The following IZUMO4 variants were observed in gnomAD, a reference collection of about 807,000 sequenced individuals.
IZUMO4 encodes IZUMO family member 4, also known as izumo sperm-egg fusion protein 4.
IZUMO4 carries 51 observed loss-of-function variants against 37.1 expected under a neutral mutation model. That is an observed-to-expected ratio of 1.38 (90% CI 1.10 to 1.74). The LOEUF (loss-of-function observed/expected upper bound fraction) is 1.74, where lower values mean the gene tolerates loss of function less well. Among genes scored for constraint, IZUMO4 ranks in the 40% most tolerant of loss-of-function variants. The pLI is 0.00. For missense variants in IZUMO4, 364 were observed against 299.6 expected (o/e 1.21, Z -1.59); for synonymous variants, 162 against 121.4 (o/e 1.33, Z -2.20).
rs540735778 is a variant in IZUMO4 at position 2,098,639 on chromosome 19, C to G, written c.537-148C>G. ...TTTTCTCCCTCAAAGGTCTCCGACCCTCAGCTGGAGGCGGGCATCTTTCCT... is the reference window on the plus strand; with the variant it reads ...TTTTCTCCCTCAAAGGTCTCCGACCGTCAGCTGGAGGCGGGCATCTTTCCT... On this transcript the variant is annotated intron_variant, in intron 7 of 9. Coordinates refer to ENST00000395301, the MANE Select transcript of IZUMO4 (RefSeq NM_001039846.2). 2,128 of 1,557,630 alleles carry G rather than the reference C, an allele frequency of 1.4e-3. 3 individuals carry two copies. The highest frequency in any genetic ancestry group is 2.3e-3 in the South Asian group (193 of 83,388).
At chr19:2,098,644 C>T (rs867120169) in intron 7 of IZUMO4, 143 bp from the exon 8 acceptor site, 3 of 1,555,042 alleles carry the variant, frequency 1.9e-6, no homozygotes, top group Middle Eastern at 1.7e-4. Flanking sequence ...CGACCCTCAG[C>T]TGGAGGCGGG....
In IZUMO4 at chr19:2,098,887, G is replaced by A. The variant is rs181911352; in HGVS notation, c.554+83G>A. On this transcript the variant is annotated intron_variant, in intron 8 of 9. Transcript: ENST00000395301. ...GCTAGGGGGTCCTCTAGATCAGTGG[G>A]GGCACTGCAGGTGGGGCTCTCCCTA... 2,348 of 1,572,674 alleles carry A rather than the reference G, an allele frequency of 1.5e-3. 6 individuals carry two copies. The highest frequency in any genetic ancestry group is 2.2e-3 in the Middle Eastern group (13 of 5,982).
Position 2,098,840 on chromosome 19 carries a change from G to GGTAAAGGGA in IZUMO4, c.554+38_554+46dup, listed in dbSNP as rs778247495. On this transcript the variant is annotated intron_variant, in intron 8 of 9. Transcript: ENST00000395301. ...CCTGACCTGGACTTCAGGGGGAGGG[G>GGTAAAGGGA]GTAAAGGGAGAGAGGAGGGGGGCTA... 7.6e-6 allele frequency: 12 copies of GGTAAAGGGA among 1,588,146 alleles called. No homozygotes were observed. The South Asian group carries it at 1.3e-4, about 18-fold the overall frequency.
Position 2,099,360 on chromosome 19 carries a change from GC to G in IZUMO4, c.*19del, listed in dbSNP as rs2017848997. On this transcript the variant is annotated 3_prime_UTR_variant, in exon 10 of 10. Coordinates refer to ENST00000395301, the MANE Select transcript of IZUMO4 (RefSeq NM_001039846.2). ...AGCAGCACTGACAGCAGCTGGGCCT[GC>G]CCCAGGGCAACGTGGGGGCGGAGAC... is the stretch of plus-strand genomic sequence containing the variant. The G allele has an allele frequency of 1.9e-6, 3 of 1,595,204 alleles. No individual in the cohort carries two copies. Among genetic ancestry groups the G allele is most frequent in the Middle Eastern group, 1.7e-4 (1 of 5,994 alleles).
Position 2,097,257 on chromosome 19 carries a change from G to C in IZUMO4, c.223G>C (p.Glu75Gln). Residue 75 changes from glutamate (E) to glutamine (Q), a missense_variant, in exon 2 of 10, where the codon GAG (glutamate) becomes CAG (glutamine). Coordinates refer to ENST00000395301, the MANE Select transcript of IZUMO4 (RefSeq NM_001039846.2). ...HLAIPAKITR[E>Q]KLDQVATAVY... ...GCTTCTCCTCCTGCCCGCAGCCCGG[G>C]AGAAGCTGGACCAAGTGGCGACAGC... 1 of 1,612,380 alleles carries C rather than the reference G, an allele frequency of 6.2e-7. No homozygotes were observed. Among genetic ancestry groups the C allele is most frequent in the Non-Finnish European group, 8.5e-7 (1 of 1,179,632 alleles).
In IZUMO4 at chr19:2,099,346, C is replaced by G. The variant is rs749119279; in HGVS notation, c.*1C>G. On this transcript the variant is annotated 3_prime_UTR_variant, in exon 10 of 10. Coordinates refer to ENST00000395301, the MANE Select transcript of IZUMO4 (RefSeq NM_001039846.2). The stretch of plus-strand genomic sequence containing the variant: ...TGCTGAGTGTCTCAAGCAGCACTGA[C>G]AGCAGCTGGGCCTGCCCCAGGGCAA... 1 of 1,610,138 alleles carries G rather than the reference C, an allele frequency of 6.2e-7. No homozygotes were observed. The highest frequency in any genetic ancestry group is 2.2e-5 in the East Asian group (1 of 44,762).
chr19:2,099,504 T>TG lies in IZUMO4; in HGVS notation c.*164dup. 1 of 460,292 alleles carries TG rather than the reference T, an allele frequency of 2.2e-6. No individual in the cohort carries two copies. The highest frequency in any genetic ancestry group is 2.9e-5 in the Admixed American group (1 of 33,946). The allele number at this position is 460,292 out of a possible 1,614,324, so 28.5% of individuals were successfully genotyped here. On this transcript the variant is annotated 3_prime_UTR_variant, in exon 10 of 10. Coordinates refer to ENST00000395301, the MANE Select transcript of IZUMO4 (RefSeq NM_001039846.2). Reference sequence around the variant, plus strand: ...GGCCAGGAGGGCGGGAGGGAGGGAATGGGGGTGGGCTGTGCGCAGCATCAG... The same window carrying TG: ...GGCCAGGAGGGCGGGAGGGAGGGAATGGGGGGTGGGCTGTGCGCAGCATCAG...
In IZUMO4 at chr19:2,098,808, A is replaced by AG; in HGVS notation, c.554+6dup. 3 of 1,592,618 alleles carry AG rather than the reference A, an allele frequency of 1.9e-6. No homozygotes were observed. The highest frequency in any genetic ancestry group is 1.7e-6 in the Non-Finnish European group (2 of 1,169,086). ...TCAGACAGGACACGAGCATGAGGTAAGGCCGCCCTGACCTGGACTTCAGGG... is the reference window on the plus strand; with the variant it reads ...TCAGACAGGACACGAGCATGAGGTAAGGGCCGCCCTGACCTGGACTTCAGGG... On this transcript the variant is annotated splice_donor_region_variant and intron_variant, in intron 8 of 9. Transcript: ENST00000395301.
At chr19:2,099,096 G>T in intron 9 of IZUMO4, 67 bp downstream of exon 9, 2 of 1,487,142 alleles carry the variant, frequency 1.3e-6, no homozygotes, top group South Asian at 1.1e-5. Flanking sequence ...AGCGTGCCGC[G>T]GCCTGCACAC....
rs373447631 is a variant in IZUMO4 at position 2,097,969 on chromosome 19, C to T, written c.397+14C>T. 2.1e-5 allele frequency: 34 copies of T among 1,613,118 alleles called. No individual in the cohort carries two copies. The highest frequency in any genetic ancestry group is 9.9e-5 in the South Asian group (9 of 91,086). ...AGCACCGCTGTGGTAAGCAAGGCTC[C>T]GTCCAGGCTGAGGGGCGTGCCGGTG... On this transcript the variant is annotated intron_variant, in intron 4 of 9. Transcript: ENST00000395301.
rs776511201 is a variant in IZUMO4 at position 2,097,890 on chromosome 19, C to T, written c.371-39C>T. On this transcript the variant is annotated intron_variant, in intron 3 of 9. Coordinates refer to ENST00000395301, the MANE Select transcript of IZUMO4 (RefSeq NM_001039846.2). ...GGAGGAGGCAGGACTGGGGACAAGG[C>T]TGGGCCTGGTAAGATGGCGCTGTCC... The T allele has an allele frequency of 3.7e-6, 6 of 1,611,752 alleles. No individual in the cohort carries two copies. The South Asian group carries it at 6.6e-5, about 18-fold the overall frequency.
Position 2,099,020 on chromosome 19 carries a change from C to G in IZUMO4, c.599C>G (p.Thr200Ser). 1 of 1,613,050 alleles carries G rather than the reference C, an allele frequency of 6.2e-7. No individual in the cohort carries two copies. Among genetic ancestry groups the G allele is most frequent in the Admixed American group, 1.7e-5 (1 of 60,026 alleles). Residue 200 changes from threonine to serine, a missense_variant, in exon 9 of 10, where the codon ACC becomes AGC. Thr to Ser is a moderately conservative substitution (Grantham distance 58). Coordinates refer to ENST00000395301, the MANE Select transcript of IZUMO4 (RefSeq NM_001039846.2). ...TCCTGGCCTGGGACACACAGAGCCA[C>G]CCCGGCCTTGTGAGTGACCCAGAGA... ...AFSWPGTHRA[T>S]PAFLVSPALR...
rs147027538 is a variant in IZUMO4 at position 2,097,450 on chromosome 19, A to C, written c.325A>C (p.Ile109Leu). 44 of 1,612,714 alleles carry C rather than the reference A, an allele frequency of 2.7e-5. No individual in the cohort carries two copies. Among genetic ancestry groups the C allele is most frequent in the Middle Eastern group, 3.3e-4 (2 of 6,082 alleles). ...GTATTTCCCCAACGAGCTGCGAAAC[A>C]TCTTCCGGGAGCAGGTGCACCTCAT... ...PGYFPNELRN[I>L]FREQVHLIQN... Residue 109 changes from isoleucine (I) to leucine (L), a missense_variant, in exon 3 of 10, where the codon ATC (isoleucine) becomes CTC (leucine). By Grantham distance (5) the Ile-to-Leu change is conservative (BLOSUM62 2). Coordinates refer to ENST00000395301, the MANE Select transcript of IZUMO4 (RefSeq NM_001039846.2).
intron 7 of IZUMO4, 31 bp downstream of exon 7, chr19:2,098,481 G>A (rs538292405): frequency 3.7e-6 from 6 of 1,613,320 alleles, no homozygotes; most frequent in Non-Finnish European, 5.1e-6. Context: ...AACACAGGCA[G>A]TGTGTGTATG....
intron 9 of IZUMO4, 40 bp from the exon 10 acceptor site, chr19:2,099,215 G>A (rs1265774029): frequency 1.9e-6 from 3 of 1,568,688 alleles, no homozygotes; most frequent in African/African-American, 2.7e-5. Context: ...GGCAGGGGGT[G>A]GGGGACATGG....
rs770721688 is a variant in IZUMO4 at position 2,099,245 on chromosome 19, C to A, written c.609-10C>A. On this transcript the variant is annotated splice_polypyrimidine_tract_variant and intron_variant, in intron 9 of 9. Transcript: ENST00000395301. ...ACATGGAGAGCTGAGGCAGCCTCGT[C>A]TCCCCGCAGCCTGGTATCGCCAGCC... 1 of 1,611,284 alleles carries A rather than the reference C, an allele frequency of 6.2e-7. No individual in the cohort carries two copies. Among genetic ancestry groups the A allele is most frequent in the Non-Finnish European group, 8.5e-7 (1 of 1,178,098 alleles).
chr19:2,098,307 C>T lies in IZUMO4; in HGVS notation c.494C>T (p.Ser165Leu), dbSNP rs911756205. ...CACAGGTCCTCGGCGCAGTGGAAGT[C>T]AGCTGTCCAGGGCCTCCTGAACTAC... ...YNCESSAQWK[S>L]AVQGLLNYIN... Residue 165 changes from serine (S) to leucine (L), a missense_variant, in exon 6 of 10, where the codon TCA becomes TTA. Ser to Leu is a moderately radical substitution (Grantham distance 145). Transcript: ENST00000395301. 2 of 1,613,934 alleles carry T rather than the reference C, an allele frequency of 1.2e-6. No individual in the cohort carries two copies. Among genetic ancestry groups the T allele is most frequent in the African/African-American group, 2.7e-5 (2 of 75,060 alleles).
In IZUMO4 at chr19:2,099,236, C is replaced by G. The variant is rs768456177; in HGVS notation, c.609-19C>G. ...GGGTGGGGGACATGGAGAGCTGAGG[C>G]AGCCTCGTCTCCCCGCAGCCTGGTA... On this transcript the variant is annotated intron_variant, in intron 9 of 9. Transcript: ENST00000395301. 1.0e-5 allele frequency: 16 copies of G among 1,605,450 alleles called. No homozygotes were observed. The African/African-American group carries it at 2.1e-4, about 21-fold the overall frequency.
At chr19:2,099,059 G>A (rs2017824595) in intron 9 of IZUMO4, 30 bp downstream of exon 9, 2 of 1,603,464 alleles carry the variant, frequency 1.2e-6, no homozygotes, top group South Asian at 1.1e-5. Flanking sequence ...GAGGCCTCGG[G>A]AGAAGGGGTG....
Sources: gnomAD v4.1 joint callset for allele counts on GRCh38, gnomAD v4.1.1 for gene constraint, MANE v1.5 for transcripts, NCBI Gene and HGNC (gene_info 2026-07-23, HGNC 2026-07-21) for gene names.